The following RRBP1 variants were observed in gnomAD, a reference collection of about 807,000 sequenced individuals.
RRBP1 encodes ribosome-binding protein 1.
Under a neutral mutation model 165.2 loss-of-function variants are expected in RRBP1, and 94 were observed. That is an observed-to-expected ratio of 0.57 (90% CI 0.48 to 0.68). RRBP1 has a LOEUF of 0.68. Ranked by LOEUF, RRBP1 falls within the 30% of genes least tolerant of loss-of-function variation. The pLI, the probability that RRBP1 is intolerant of heterozygous loss-of-function variation, is 0.00. For synonymous variants in RRBP1, 680 were observed against 714.5 expected, an observed-to-expected ratio of 0.95 and a Z score of 0.77; for missense variants, 1,676 against 1,763.0, an observed-to-expected ratio of 0.95 and a Z score of 0.88.
intron 2 of RRBP1, among the ~76,000 whole-genome samples, chr20:17,666,601 A>G (rs910269227): frequency 1.2e-4 from 19 of 152,180 alleles, no homozygotes; most frequent in Non-Finnish European, 2.2e-4. Flanking sequence ...TGTGGAAAAA[A>G]AGACAGTATT....
rs1372738063 is a variant in RRBP1 at position 17,621,677 on chromosome 20, C to A, written c.3324+13G>T. ...AGCCCAACAGAGGAGCCTTGCCAGG[C>A]AGCCACACTTACCGAGGAGGGCTCC... On this transcript the variant is annotated intron_variant, in intron 15 of 24. Transcript: ENST00000377813. 1 of 1,612,524 alleles carries A rather than the reference C, an allele frequency of 6.2e-7. No individual in the cohort carries two copies. Among genetic ancestry groups the A allele is most frequent in the African/African-American group, 1.3e-5 (1 of 74,916 alleles).
chr20:17,672,882 T>A (rs1182869627), intron 2 of RRBP1, among the ~76,000 whole-genome samples: 1 of 152,182 alleles, frequency 6.6e-6, no homozygotes, highest in Non-Finnish European at 1.5e-5. Flanking sequence ...CAAAAGAGCA[T>A]ATGCCGTTTG....
chr20:17,680,383 C>G (rs1446048778), intron 1 of RRBP1, among the ~76,000 whole-genome samples: 1 of 152,154 alleles, frequency 6.6e-6, no homozygotes, highest in South Asian at 2.1e-4. Context: ...GAGGCCCTAC[C>G]AGGCCCATTT....
chr20:17,651,440 T>C (rs373990892), intron 3 of RRBP1, among the ~76,000 whole-genome samples: 1 of 152,236 alleles, frequency 6.6e-6, no homozygotes, highest in Non-Finnish European at 1.5e-5. Flanking sequence ...GCAGCATTAA[T>C]TTTAGCTGCA....
intron 2 of RRBP1, 92 bp from the exon 3 acceptor site, chr20:17,660,620 A>C: frequency 1.3e-6 from 1 of 770,388 alleles, no homozygotes; most frequent in Non-Finnish European, 2.1e-6. Flanking sequence ...AGGTTTCACT[A>C]ATTCTTTCTT....
At chr20:17,629,452 C>T (rs2036102625) in intron 9 of RRBP1, among the ~76,000 whole-genome samples, 1 of 152,202 alleles carries the variant, frequency 6.6e-6, no homozygotes, top group South Asian at 2.1e-4. Flanking sequence ...TCAGGATCTC[C>T]CTGGTTCATC....
intron 20 of RRBP1, among the ~76,000 whole-genome samples, chr20:17,618,338 G>C (rs768648946): frequency 6.6e-6 from 1 of 152,176 alleles, no homozygotes; most frequent in Non-Finnish European, 1.5e-5. Flanking sequence ...TCACTACCTT[G>C]AACAGGGGAC....
intron 8 of RRBP1, 119 bp downstream of exon 8, chr20:17,633,341 C>G (rs1237128094): frequency 5.6e-6 from 6 of 1,067,624 alleles, no homozygotes; most frequent in Non-Finnish European, 6.8e-6. Context: ...TCATCTGTCC[C>G]AGTCAAGGCT....
chr20:17,647,487 C>G (rs1438886737), intron 3 of RRBP1, among the ~76,000 whole-genome samples: 1 of 152,170 alleles, frequency 6.6e-6, no homozygotes, highest in Non-Finnish European at 1.5e-5. Context: ...TAGGAAGGAG[C>G]GTTTGAATTT....
At chr20:17,664,910 C>A (rs1568786764) in intron 2 of RRBP1, among the ~76,000 whole-genome samples, 1 of 152,102 alleles carries the variant, frequency 6.6e-6, no homozygotes, top group Non-Finnish European at 1.5e-5. Context: ...AAAACAGAGA[C>A]CCTAGCAGAC....
rs1486961697 is a variant in RRBP1, at chr20:17,659,446, C to T, written c.1062G>A (p.Gly354=). Residue 354 remains glycine, a synonymous_variant, in exon 3 of 25, where the codon GGG becomes GGA. Transcript: ENST00000377813. ...GAQNQGKKAE[G]AQNQGKKAEG... is the part of the protein sequence containing the mutation. The stretch of plus-strand genomic sequence containing the variant: ...CGGCCTTCTTGCCCTGATTCTGGGC[C>T]CCCTCGGCCTTCTTGCCCTGATTCT... 9.9e-7 allele frequency: 1 copy of T among 1,007,538 alleles called. No homozygotes were observed. The highest frequency in any genetic ancestry group is 2.8e-5 in the Admixed American group (1 of 36,312). 62.4% of individuals were successfully genotyped at this position (1,007,538 alleles called of 1,614,324 possible). A position where few individuals can be genotyped will look rare whatever the true frequency, so the allele number is the denominator to read the frequency against.
chr20:17,616,442 C>A (rs2035800926), intron 21 of RRBP1, among the ~76,000 whole-genome samples: 1 of 152,156 alleles, frequency 6.6e-6, no homozygotes, highest in Admixed American at 6.5e-5. Context: ...GGCTGCAGAC[C>A]CTGCCCAGAG....
intron 2 of RRBP1, among the ~76,000 whole-genome samples, chr20:17,673,124 T>TTA (rs1219615318): frequency 2.0e-5 from 3 of 152,204 alleles, no homozygotes; most frequent in African/African-American, 4.8e-5. Flanking sequence ...ATATTTTACT[T>TTA]TAATAAAGAG....
chr20:17,639,118 T>G (rs1205174246), intron 5 of RRBP1, among the ~76,000 whole-genome samples: 1 of 152,198 alleles, frequency 6.6e-6, no homozygotes, highest in Non-Finnish European at 1.5e-5. Flanking sequence ...ACATGACAGC[T>G]GGAATGTTTT....
At chr20:17,647,395 C>T (rs1324514334) in intron 3 of RRBP1, among the ~76,000 whole-genome samples, 4 of 152,242 alleles carry the variant, frequency 2.6e-5, no homozygotes, top group South Asian at 2.1e-4. Context: ...GCGTGTCAGA[C>T]TTGCACCCGA....
At chr20:17,663,597 A>T (rs1328061560) in intron 2 of RRBP1, among the ~76,000 whole-genome samples, 10 of 152,198 alleles carry the variant, frequency 6.6e-5, no homozygotes, top group Non-Finnish European at 1.5e-4. Context: ...CAATACCACC[A>T]CGGACAGCAA....
chr20:17,650,574 T>A (rs1269948741), intron 3 of RRBP1, among the ~76,000 whole-genome samples: 1 of 152,178 alleles, frequency 6.6e-6, no homozygotes, highest in East Asian at 1.9e-4. Flanking sequence ...CATCCCCGCA[T>A]CCCCTGAGTG....
chr20:17,624,173 G>A (rs1185363527), intron 13 of RRBP1, among the ~76,000 whole-genome samples: 2 of 152,260 alleles, frequency 1.3e-5, no homozygotes, highest in Admixed American at 6.5e-5. Flanking sequence ...AGGAGCAAGT[G>A]AAGAAGGGAA....
At chr20:17,637,587 T>C (rs903261739) in intron 5 of RRBP1, among the ~76,000 whole-genome samples, 1 of 152,086 alleles carries the variant, frequency 6.6e-6, no homozygotes, top group East Asian at 1.9e-4. Flanking sequence ...CCATGGGCAG[T>C]GGGCCAGGAG....
Sources: allele counts gnomAD v4.1 joint callset (sites outside exome capture counted in the v4.1 genomes callset), GRCh38; gene constraint gnomAD v4.1.1; transcripts MANE v1.5; gene names NCBI Gene and HGNC (gene_info 2026-07-23, HGNC 2026-07-21).